Variants in COL21A1 observed in about 807,000 individuals in gnomAD.
COL21A1 encodes collagen type XXI alpha 1 chain, also known as collagen alpha-1(XXI) chain.
Under a neutral mutation model 137.9 loss-of-function variants are expected in COL21A1, and 149 were observed. The ratio of observed to expected loss-of-function variants is 1.08; its 90% CI spans 0.95 to 1.24. The LOEUF (loss-of-function observed/expected upper bound fraction) is 1.24, where lower values mean the gene tolerates loss of function less well. Among genes scored for constraint, COL21A1 ranks in the 50% most tolerant of loss-of-function variants. The pLI is 0.00. For synonymous variants in COL21A1, 456 were observed against 391.5 expected (o/e 1.16, Z -1.95); for missense variants, 1,167 against 1,158.4 (o/e 1.01, Z -0.11).
At chr6:56,143,731 C>A (rs1034946796) in intron 10 of COL21A1, among the ~76,000 whole-genome samples, 1 of 152,262 alleles carries the variant, frequency 6.6e-6, no homozygotes, top group African/African-American at 2.4e-5. Flanking sequence ...ATCATCTGTT[C>A]GCTAGACTAG....
rs1032598143 is a variant in COL21A1 at position 56,244,328 on chromosome 6, T to C, written c.-39+3059A>G. Among the ~76,000 whole-genome samples the C allele has an allele frequency of 5.3e-5, 8 of 152,282 alleles. No homozygotes were observed. In the South Asian group the frequency reaches 6.2e-4, roughly 12 times the overall value. On this transcript the variant is annotated intron_variant, in intron 1 of 29. Coordinates refer to ENST00000244728, the MANE Select transcript of COL21A1 (RefSeq NM_030820.4). ...TCTGTCACTCTGAATTGCAACATCA[T>C]AGACTCTCTTAGCTTTTCAGTTAAG...
At chr6:56,153,320 C>G (rs1234529284) in intron 10 of COL21A1, among the ~76,000 whole-genome samples, 1 of 152,096 alleles carries the variant, frequency 6.6e-6, no homozygotes, top group Non-Finnish European at 1.5e-5. Context: ...ATTGCCCACA[C>G]TCTCCATCCA....
intron 1 of COL21A1, among the ~76,000 whole-genome samples, chr6:56,382,458 G>T (rs2094010283): frequency 6.6e-6 from 1 of 152,178 alleles, no homozygotes; most frequent in South Asian, 2.1e-4. Context: ...TGTCTGCTAT[G>T]AACTAAATTG....
intron 1 of COL21A1, among the ~76,000 whole-genome samples, chr6:56,231,900 CTTT>C (rs200262730): frequency 0.015 from 2,304 of 151,782 alleles, 33 homozygotes; most frequent in Non-Finnish European, 0.023. Context: ...AATGTTCTTC[CTTT>C]TAAATGAGTA....
intron 1 of COL21A1, among the ~76,000 whole-genome samples, chr6:56,245,251 C>T (rs369776811): frequency 2.6e-5 from 4 of 152,038 alleles, no homozygotes; most frequent in Non-Finnish European, 2.9e-5. Flanking sequence ...CCAGATTTTA[C>T]GGCTATTTAA....
intron 1 of COL21A1, among the ~76,000 whole-genome samples, chr6:56,188,058 T>C (rs1226216681): frequency 1.3e-5 from 2 of 152,106 alleles, no homozygotes; most frequent in African/African-American, 4.8e-5. Flanking sequence ...TCACTAGCCA[T>C]CAGGGAAATG....
At position 56,156,896 on chromosome 6, in the gene COL21A1, A is replaced by C. The variant is rs369622487; in HGVS notation, c.1425T>G (p.Asp475Glu). 5 of 1,611,878 alleles carry C rather than the reference A, an allele frequency of 3.1e-6. No homozygotes were observed. In the Admixed American group the frequency reaches 8.4e-5, roughly 27 times the overall value. ...NPGYPGQPGQ[D>E]GKPGYQGIAG... is the part of the protein sequence containing the mutation. ...AGCTTTCAGTACTCACAGGCTTACC[A>C]TCTTGACCAGGTTGTCCAGGGTAGC... Residue 475 changes from aspartate to glutamate, a missense_variant, in exon 10 of 30, where the codon GAT becomes GAG. Asp to Glu is a conservative substitution (Grantham distance 45). Transcript: ENST00000244728.
intron 16 of COL21A1, among the ~76,000 whole-genome samples, chr6:56,116,384 A>G (rs1771920001): frequency 8.6e-6 from 1 of 116,010 alleles, no homozygotes; most frequent in Admixed American, 1.0e-4. Context: ...GACATTTTTT[A>G]AGTGCCAAAG....
chr6:56,242,994 T>TA (rs1281979697), intron 1 of COL21A1, among the ~76,000 whole-genome samples: 1 of 151,742 alleles, frequency 6.6e-6, no homozygotes, highest in Non-Finnish European at 1.5e-5. Flanking sequence ...ATTAAAGTAC[T>TA]AAAAAAATAT....
intron 16 of COL21A1, among the ~76,000 whole-genome samples, chr6:56,106,441 A>G (rs2152178019): frequency 6.6e-6 from 1 of 152,292 alleles, no homozygotes; most frequent in Non-Finnish European, 1.5e-5. Context: ...ACAAGAATCT[A>G]AAATCAACAC....
Position 56,179,615 on chromosome 6 carries a change from G to A in COL21A1, c.603C>T (p.Ser201=), listed in dbSNP as rs1266972836. Residue 201 remains serine (S), a synonymous_variant, in exon 3 of 30, where the codon TCC becomes TCT. Transcript: ENST00000244728. ...VFYVEDYIAI[S]KIREVMKQKL... ...TCTGCTTCATCACTTCCCTTATTTT[G>A]GATATTGCAATATAGTCTTCCACAT... is the stretch of plus-strand genomic sequence containing the variant. 1.9e-6 allele frequency: 3 copies of A among 1,613,118 alleles called. No individual in the cohort carries two copies. Among genetic ancestry groups the A allele is most frequent in the South Asian group, 2.2e-5 (2 of 90,964 alleles).
At chr6:56,172,731 TAAC>T (rs1289053378) in intron 3 of COL21A1, among the ~76,000 whole-genome samples, 1 of 152,116 alleles carries the variant, frequency 6.6e-6, no homozygotes, top group Non-Finnish European at 1.5e-5. Context: ...AAAAATATGT[TAAC>T]AGATATAAAA....
chr6:56,238,553 C>A (rs1182028093), intron 1 of COL21A1, among the ~76,000 whole-genome samples: 1 of 151,602 alleles, frequency 6.6e-6, no homozygotes, highest in Non-Finnish European at 1.5e-5. Flanking sequence ...ACAGTGACTA[C>A]AACTGTGCCA....
chr6:56,182,381 A>C (rs1010678203), intron 2 of COL21A1, 150 bp downstream of exon 2: 2 of 594,402 alleles, frequency 3.4e-6, no homozygotes, highest in Non-Finnish European at 5.9e-6. Flanking sequence ...TTCTCAGTTA[A>C]TGAGTAACAT....
At chr6:56,133,267 T>C (rs1426183246) in intron 12 of COL21A1, among the ~76,000 whole-genome samples, 2 of 152,160 alleles carry the variant, frequency 1.3e-5, no homozygotes, top group Non-Finnish European at 2.9e-5. Context: ...ATGAGAAACT[T>C]GTTGGGAACT....
At chr6:56,272,900 A>G (rs965062322) in intron 1 of COL21A1, among the ~76,000 whole-genome samples, 2 of 152,158 alleles carry the variant, frequency 1.3e-5, no homozygotes, top group Non-Finnish European at 2.9e-5. Context: ...TTTCTTCATG[A>G]ATTACCCAGT....
chr6:56,149,931 T>C (rs1775156072), intron 10 of COL21A1, among the ~76,000 whole-genome samples: 2 of 152,070 alleles, frequency 1.3e-5, no homozygotes, highest in Admixed American at 1.3e-4. Context: ...ATCACATCGG[T>C]CTCCTACTCC....
At chr6:56,072,251 G>C (rs1766824304) in intron 20 of COL21A1, among the ~76,000 whole-genome samples, 1 of 151,436 alleles carries the variant, frequency 6.6e-6, no homozygotes, top group Non-Finnish European at 1.5e-5. Context: ...ATTGTGAATA[G>C]TGCTGCAATG....
chr6:56,251,926 G>A (rs758132099), upstream of COL21A1, among the ~76,000 whole-genome samples: 2 of 152,168 alleles, frequency 1.3e-5, no homozygotes, highest in Non-Finnish European at 2.9e-5. Context: ...ATTTCCTTCC[G>A]TAGTTTCCAC....
Sources: gnomAD v4.1 joint callset for allele counts (sites outside exome capture counted in the v4.1 genomes callset) on GRCh38, gnomAD v4.1.1 for gene constraint, MANE v1.5 for transcripts, NCBI Gene and HGNC (gene_info 2026-07-23, HGNC 2026-07-21) for gene names.